SMIM21: variants seen among roughly 807,000 people sequenced by gnomAD.
SMIM21 encodes the protein small integral membrane protein 21.
A neutral mutation model predicts 8.6 loss-of-function variants in SMIM21; 8 were observed. The ratio of observed to expected loss-of-function variants is 0.93; its 90% confidence interval spans 0.55 to 1.68. SMIM21 has a LOEUF of 1.68. Among genes scored for constraint, SMIM21 ranks in the 40% most tolerant of loss-of-function variants. The pLI is 0.00. For missense variants in SMIM21, 132 were observed against 123.0 expected, an observed-to-expected ratio of 1.07 and a Z score of -0.35; for synonymous variants, 43 against 41.7, an observed-to-expected ratio of 1.03 and a Z score of -0.12.
At chr18:75,417,100 A>C (rs980259954) in intron 2 of SMIM21, 1 of 152,186 alleles carries the variant, frequency 6.6e-6, no homozygotes, top group East Asian at 1.9e-4. Context: ...CCAGAACTTA[A>C]ATTCTTCCTG....
chr18:75,427,693 A>G lies in SMIM21; in HGVS notation c.-130T>C. 2.2e-6 allele frequency: 2 copies of G among 908,512 alleles called. No homozygotes were observed. The highest frequency in any genetic ancestry group is 3.1e-6 in the Non-Finnish European group (2 of 644,802). 56.3% of individuals were successfully genotyped at this position (908,512 alleles called of 1,614,324 possible). A position where few individuals can be genotyped will look rare whatever the true frequency, so the allele number is the denominator to read the frequency against. On this transcript the variant is annotated 5_prime_UTR_variant, in exon 1 of 3. Transcript: ENST00000579022. Reference sequence around the variant, plus strand: ...TTTCTCTTCTTTGCCAACCTTGAAGATCTGGGTATTATTTTATGAAGCTGG... The same window carrying G: ...TTTCTCTTCTTTGCCAACCTTGAAGGTCTGGGTATTATTTTATGAAGCTGG...
chr18:75,415,483 G>A (rs1323307047), intron 2 of SMIM21, among the ~76,000 whole-genome samples: 1 of 152,224 alleles, frequency 6.6e-6, no homozygotes, highest in East Asian at 1.9e-4. Context: ...AACATCTGCG[G>A]TCCTGGGGAA....
chr18:75,425,247 C>A (rs756607815), intron 1 of SMIM21, among the ~76,000 whole-genome samples: 1 of 152,146 alleles, frequency 6.6e-6, no homozygotes, highest in Non-Finnish European at 1.5e-5. Context: ...AATGAACACC[C>A]AGTCACTGCC....
At chr18:75,424,717 C>A (rs954486801) in intron 1 of SMIM21, among the ~76,000 whole-genome samples, 2 of 152,224 alleles carry the variant, frequency 1.3e-5, no homozygotes, top group Non-Finnish European at 2.9e-5. Context: ...ATAGTGACAA[C>A]ACCCCTGCCT....
intron 1 of SMIM21, among the ~76,000 whole-genome samples, chr18:75,421,508 T>C (rs1529902): frequency 0.43 from 64,625 of 150,966 alleles, 15,695 homozygotes; most frequent in East Asian, 0.79. Context: ...GAGGAGGTGG[T>C]GTGTGCAAGG....
At chr18:75,422,909 A>G (rs1232204241) in intron 1 of SMIM21, among the ~76,000 whole-genome samples, 2 of 152,228 alleles carry the variant, frequency 1.3e-5, no homozygotes, top group Non-Finnish European at 2.9e-5. Context: ...GAGTATATTA[A>G]AAACCACTGA....
intron 1 of SMIM21, among the ~76,000 whole-genome samples, chr18:75,419,396 T>A (rs2024686165): frequency 6.6e-6 from 1 of 152,192 alleles, no homozygotes; most frequent in African/African-American, 2.4e-5. Flanking sequence ...CAATTGACAA[T>A]GTGCCAACAA....
intron 1 of SMIM21, among the ~76,000 whole-genome samples, chr18:75,421,095 G>A (rs2024703720): frequency 6.6e-6 from 1 of 152,138 alleles, no homozygotes; most frequent in African/African-American, 2.4e-5. Flanking sequence ...TGTTCTATTT[G>A]GGTTGATCGC....
At position 75,417,970 on chromosome 18, in the gene SMIM21, G is replaced by A. The variant is rs139443392; in HGVS notation, c.260+816C>T. 296 of 371,404 alleles carry A rather than the reference G, an allele frequency of 8.0e-4. 7 individuals are homozygous for A. In the East Asian group the frequency reaches 0.011, roughly 14 times the overall value. The allele number at this position is 371,404 out of a possible 1,614,324, so 23.0% of individuals were successfully genotyped here. ...TTAAGTCTTATTCCTAGGGTATTTG[G>A]TAGTAAGCTTTTTATTTTTTTGTTT... is the stretch of plus-strand genomic sequence containing the variant. On this transcript the variant is annotated intron_variant, in intron 2 of 2. Coordinates refer to ENST00000579022, the MANE Select transcript of SMIM21 (RefSeq NM_001037331.3).
intron 1 of SMIM21, among the ~76,000 whole-genome samples, chr18:75,425,126 CTGTT>C (rs1472302455): frequency 1.3e-5 from 2 of 152,192 alleles, no homozygotes; most frequent in African/African-American, 4.8e-5. Flanking sequence ...AACAGGCTGT[CTGTT>C]GTACTGGAAC....
Position 75,410,212 on chromosome 18 carries a change from T to A in SMIM21, c.*652A>T, listed in dbSNP as rs1481995177. On this transcript the variant is annotated 3_prime_UTR_variant, in exon 3 of 3. Transcript: ENST00000579022. ...CTCCATCCTAAATCATTTGATAATG[T>A]AAGAGGCTTGGTGCAGTTTTCTACT... The A allele has an allele frequency of 6.5e-6, 1 of 152,680 alleles. No homozygotes were observed. Among genetic ancestry groups the A allele is most frequent in the African/African-American group, 2.4e-5 (1 of 41,462 alleles). The allele number at this position is 152,680 out of a possible 1,614,324, so 9.5% of individuals were successfully genotyped here. A position where few individuals can be genotyped will look rare whatever the true frequency, so the allele number is the denominator to read the frequency against.
intron 2 of SMIM21, among the ~76,000 whole-genome samples, chr18:75,411,222 A>G (rs1162309529): frequency 6.6e-6 from 1 of 152,208 alleles, no homozygotes; most frequent in Admixed American, 6.5e-5. Flanking sequence ...AGCCTTGTAT[A>G]AAGGATGATA....
chr18:75,411,607 G>A (rs1288610783), intron 2 of SMIM21, among the ~76,000 whole-genome samples: 1 of 152,214 alleles, frequency 6.6e-6, no homozygotes, highest in East Asian at 1.9e-4. Flanking sequence ...CTGACATTGT[G>A]GGTGACATCG....
At chr18:75,411,836 G>T (rs2024587890) in intron 2 of SMIM21, among the ~76,000 whole-genome samples, 2 of 152,178 alleles carry the variant, frequency 1.3e-5, no homozygotes, top group South Asian at 2.1e-4. Context: ...TCTGACAAAA[G>T]ATCTTTTTAT....
intron 2 of SMIM21, 41 bp downstream of exon 2, chr18:75,418,745 G>A (rs766201335): frequency 6.7e-7 from 1 of 1,498,262 alleles, no homozygotes; most frequent in East Asian, 2.4e-5. Flanking sequence ...TTCAAAATAT[G>A]TAGTATTTTT....
chr18:75,411,357 T>C lies in SMIM21; in HGVS notation c.261-448A>G, dbSNP rs140147615. ...CTAAAAACCAGAAGCCATGAGACCA[T>C]TGGGCAAAGAACAAAGAGCTCAGGG... On this transcript the variant is annotated intron_variant, in intron 2 of 2. Transcript: ENST00000579022. Among the ~76,000 whole-genome samples the C allele has an allele frequency of 3.4e-3, 518 of 152,308 alleles. 3 individuals carry two copies. Among genetic ancestry groups the C allele is most frequent in the African/African-American group, 0.012 (482 of 41,554 alleles).
In SMIM21 at chr18:75,427,232, G is replaced by A. The variant is rs143728307; in HGVS notation, c.129+203C>T. On this transcript the variant is annotated intron_variant, in intron 1 of 2. Transcript: ENST00000579022. Reference sequence around the variant, plus strand: ...GAAAGGGGCAGCTCTTCCTCAGATTGGGAATTGGAATTGGGAGGTTGTCTT... The same window carrying A: ...GAAAGGGGCAGCTCTTCCTCAGATTAGGAATTGGAATTGGGAGGTTGTCTT... Among the ~76,000 whole-genome samples the A allele has an allele frequency of 7.2e-3, 1,091 of 152,268 alleles. 9 individuals carry two copies. The highest frequency in any genetic ancestry group is 0.021 in the South Asian group (101 of 4,824).
chr18:75,425,449 A>G (rs2024751616), intron 1 of SMIM21, among the ~76,000 whole-genome samples: 1 of 152,198 alleles, frequency 6.6e-6, no homozygotes, highest in Non-Finnish European at 1.5e-5. Context: ...CATGCCCTGT[A>G]TTGGCTTTAG....
At chr18:75,424,443 G>A (rs2024740550) in intron 1 of SMIM21, among the ~76,000 whole-genome samples, 1 of 152,068 alleles carries the variant, frequency 6.6e-6, no homozygotes. Flanking sequence ...TTATTAAGGG[G>A]GTATGTTTAG....
Sources: allele counts gnomAD v4.1 joint callset (sites outside exome capture counted in the v4.1 genomes callset), GRCh38; gene constraint gnomAD v4.1.1; transcripts MANE v1.5; gene names NCBI Gene and HGNC (gene_info 2026-07-23, HGNC 2026-07-21).